Variants in RYR2 observed in about 807,000 individuals in gnomAD.
The protein encoded by RYR2 is ryanodine receptor 2.
A neutral mutation model predicts 601.1 loss-of-function variants in RYR2; 227 were observed. That is an observed-to-expected ratio of 0.38 (90% CI 0.34 to 0.42). The LOEUF (loss-of-function observed/expected upper bound fraction) is 0.42, where lower values mean the gene tolerates loss of function less well. Among genes scored for constraint, RYR2 ranks in the 10% least tolerant of loss-of-function variants. The pLI is 1.00. For synonymous variants in RYR2, 2,223 were observed against 2,175.1 expected (o/e 1.02, Z -0.61); for missense variants, 4,646 against 6,156.5 (o/e 0.75, Z 8.21).
chr1:237,445,331 A>G, intron 13 of RYR2, 70 bp from the exon 14 acceptor site: 1 of 1,591,012 alleles, frequency 6.3e-7, no homozygotes, highest in South Asian at 1.1e-5. Flanking sequence ...CTGTTTGAGT[A>G]CACATCTCCC....
chr1:237,538,055 T>A (rs1354735122), intron 25 of RYR2, among the ~76,000 whole-genome samples: 2 of 151,658 alleles, frequency 1.3e-5, no homozygotes, highest in African/African-American at 4.8e-5. Flanking sequence ...TTAAAAAAAA[T>A]GTTGGTGGAA....
chr1:237,228,206 G>A (rs4545325), intron 1 of RYR2, among the ~76,000 whole-genome samples: 6,083 of 152,170 alleles, frequency 0.04, 344 homozygotes, highest in East Asian at 0.23. Context: ...GCTCCCACTT[G>A]TGGGTGAGAA....
At chr1:237,336,556 T>C (rs1697250128) in intron 3 of RYR2, among the ~76,000 whole-genome samples, 2 of 152,162 alleles carry the variant, frequency 1.3e-5, no homozygotes, top group South Asian at 4.1e-4. Context: ...GAATGTGGAG[T>C]AGTAAAAAAC....
intron 42 of RYR2, among the ~76,000 whole-genome samples, chr1:237,632,298 A>C (rs2148692685): frequency 6.6e-6 from 1 of 152,162 alleles, no homozygotes; most frequent in East Asian, 1.9e-4. Flanking sequence ...CATGACACAG[A>C]CATTGGTTGG....
At chr1:237,089,334 A>G (rs961690514) in intron 1 of RYR2, among the ~76,000 whole-genome samples, 3 of 152,242 alleles carry the variant, frequency 2.0e-5, no homozygotes, top group African/African-American at 7.2e-5. Flanking sequence ...TGCATTTCCA[A>G]CTAAGATAGT....
At chr1:237,507,575 C>T (rs1034981793) in intron 23 of RYR2, among the ~76,000 whole-genome samples, 5 of 152,266 alleles carry the variant, frequency 3.3e-5, no homozygotes, top group South Asian at 2.1e-4. Flanking sequence ...CTTAATATAA[C>T]GTTAGTAGTA....
In RYR2 at chr1:237,079,661, C is replaced by G. The variant is rs1449024018; in HGVS notation, c.48+37092C>G. Among the ~76,000 whole-genome samples, 2 of 113,460 alleles carry G rather than the reference C, an allele frequency of 1.8e-5. 1 individual carries two copies. Among genetic ancestry groups the G allele is most frequent in the South Asian group, 6.0e-4 (2 of 3,334 alleles). The allele number at this position is 113,460 out of a possible 152,430, so 74.4% of individuals were successfully genotyped here. A position where few individuals can be genotyped will look rare whatever the true frequency, so the allele number is the denominator to read the frequency against. On this transcript the variant is annotated intron_variant, in intron 1 of 104. Coordinates refer to ENST00000366574, the MANE Select transcript of RYR2 (RefSeq NM_001035.3). ...AACAAATGGAAGAACATTCCATGCT[C>G]ATGGGTAGGAAGAATCAATATCGTG...
chr1:237,065,152 A>G (rs9428654), intron 1 of RYR2, among the ~76,000 whole-genome samples: 117,094 of 151,472 alleles, frequency 0.77, 45,822 homozygotes, highest in East Asian at 0.99. Flanking sequence ...GAAAGTTAGC[A>G]TTGCTATAAA....
intron 1 of RYR2, among the ~76,000 whole-genome samples, chr1:237,120,239 G>A (rs1447624524): frequency 4.6e-5 from 7 of 152,066 alleles, no homozygotes; most frequent in African/African-American, 1.5e-4. Context: ...CCTGACACAC[G>A]GTAAGTGCCT....
chr1:237,551,601 G>A (rs1272698220), intron 27 of RYR2, among the ~76,000 whole-genome samples: 1 of 151,112 alleles, frequency 6.6e-6, no homozygotes, highest in Admixed American at 6.6e-5. Flanking sequence ...TGCAGTCTGA[G>A]TTAGTTTAAT....
chr1:237,702,172 T>A, intron 66 of RYR2, 113 bp downstream of exon 66: 1 of 633,448 alleles, frequency 1.6e-6, no homozygotes, highest in East Asian at 2.8e-5. Flanking sequence ...CTAAACCGGA[T>A]TGACCTTTGA....
intron 47 of RYR2, among the ~76,000 whole-genome samples, chr1:237,641,515 TTCTTTC>T (rs1681528139): frequency 7.1e-6 from 1 of 140,446 alleles, no homozygotes; most frequent in Admixed American, 7.5e-5. Flanking sequence ...CTTTCTTTCT[TTCTTTC>T]TTTCTTTTTC....
At chr1:237,493,202 T>A (rs1028834144) in intron 19 of RYR2, 115 bp downstream of exon 19, 1 of 1,158,492 alleles carries the variant, frequency 8.6e-7, no homozygotes, top group Non-Finnish European at 1.2e-6. Context: ...ATAGTATTAT[T>A]TTCTGTATTT....
intron 48 of RYR2, 150 bp downstream of exon 48, chr1:237,643,597 GTA>G (rs1681805408): frequency 2.9e-6 from 2 of 679,108 alleles, no homozygotes; most frequent in Admixed American, 4.0e-5. Flanking sequence ...AAGCTGTAAA[GTA>G]TATATTTTAT....
At chr1:237,735,218 A>T (rs1255445264) in intron 79 of RYR2, among the ~76,000 whole-genome samples, 1 of 152,190 alleles carries the variant, frequency 6.6e-6, no homozygotes, top group African/African-American at 2.4e-5. Flanking sequence ...GAGAGGGGCC[A>T]TGGAGTGGGG....
At chr1:237,226,299 A>G (rs1253005641) in intron 1 of RYR2, among the ~76,000 whole-genome samples, 1 of 152,202 alleles carries the variant, frequency 6.6e-6, no homozygotes, top group East Asian at 1.9e-4. Context: ...TTAAAAATGC[A>G]TTCCTCTGGA....
At chr1:237,172,100 T>G (rs1339777652) in intron 1 of RYR2, among the ~76,000 whole-genome samples, 1 of 152,256 alleles carries the variant, frequency 6.6e-6, no homozygotes, top group African/African-American at 2.4e-5. Flanking sequence ...ATCTCCATTC[T>G]TACTAGCACT....
In RYR2 at chr1:237,819,322, G is replaced by A. The variant is rs1662171309; in HGVS notation, c.14590+130G>A. On this transcript the variant is annotated intron_variant, in intron 101 of 104. Transcript: ENST00000366574. This position sits in a 1 kb window ranked among gnomAD's most constrained non-coding sequence, Gnocchi z 4.0. ...AAGCCAAATCAAACTTTTCCTTCCA[G>A]TATTTCTTCATCATGCAATCTACCG... 1.2e-6 allele frequency: 1 copy of A among 845,338 alleles called. No individual in the cohort carries two copies. Among genetic ancestry groups the A allele is most frequent in the East Asian group, 2.4e-5 (1 of 40,932 alleles). 52.4% of individuals were successfully genotyped at this position (845,338 alleles called of 1,614,324 possible). A position where few individuals can be genotyped will look rare whatever the true frequency, so the allele number is the denominator to read the frequency against.
At chr1:237,448,350 A>G (rs1226045539) in intron 14 of RYR2, among the ~76,000 whole-genome samples, 2 of 152,132 alleles carry the variant, frequency 1.3e-5, no homozygotes, top group African/African-American at 4.8e-5. Flanking sequence ...TAATGCCATT[A>G]TGGTCAGAGA....
Sources: allele counts gnomAD v4.1 joint callset (sites outside exome capture counted in the v4.1 genomes callset), GRCh38; gene constraint gnomAD v4.1.1; non-coding constraint Gnocchi (gnomAD v3.1); transcripts MANE v1.5; gene names NCBI Gene and HGNC (gene_info 2026-07-23, HGNC 2026-07-21).